PDE10A: variants seen among roughly 807,000 people sequenced by gnomAD.
The protein encoded by PDE10A is cAMP and cAMP-inhibited cGMP 3',5'-cyclic phosphodiesterase 10A.
PDE10A carries 39 observed loss-of-function variants against 97.7 expected under a neutral mutation model. That is an observed-to-expected ratio of 0.40 (90% CI 0.31 to 0.52). The LOEUF (loss-of-function observed/expected upper bound fraction) is 0.52, where lower values mean the gene tolerates loss of function less well. PDE10A is among the 20% of genes least tolerant of loss of function. The pLI, the probability that PDE10A is intolerant of heterozygous loss-of-function variation, is 0.56. For synonymous variants in PDE10A, 371 were observed against 376.8 expected (o/e 0.98, Z 0.18); for missense variants, 731 against 1,047.8 (o/e 0.70, Z 4.17).
chr6:165,484,342 G>A (rs1583380387), intron 2 of PDE10A, among the ~76,000 whole-genome samples: 2 of 152,360 alleles, frequency 1.3e-5, no homozygotes, highest in South Asian at 4.1e-4. Context: ...CACAGCAGGA[G>A]GTGAGCGGCG....
At chr6:165,771,391 C>A (rs1778005121) in intron 1 of PDE10A, among the ~76,000 whole-genome samples, 1 of 152,022 alleles carries the variant, frequency 6.6e-6, no homozygotes, top group Admixed American at 6.5e-5. Flanking sequence ...CTCCTGCTCA[C>A]ATGAGCCCTA....
chr6:165,980,741 T>C (rs1174953960), intron 1 of PDE10A, among the ~76,000 whole-genome samples: 1 of 152,178 alleles, frequency 6.6e-6, no homozygotes, highest in African/African-American at 2.4e-5. Context: ...TGACTATTGT[T>C]GCCATGTGTG....
intron 1 of PDE10A, among the ~76,000 whole-genome samples, chr6:165,842,920 A>G (rs998558470): frequency 1.3e-5 from 2 of 152,218 alleles, no homozygotes; most frequent in Non-Finnish European, 2.9e-5. Context: ...CACTTCCTCA[A>G]TAAAACTGGA....
At chr6:165,334,011 T>C (rs1426431445) in intron 21 of PDE10A, among the ~76,000 whole-genome samples, 2 of 152,252 alleles carry the variant, frequency 1.3e-5, no homozygotes, top group Non-Finnish European at 2.9e-5. Flanking sequence ...AGTGTAGCCC[T>C]TTTAACTTTT....
intron 21 of PDE10A, among the ~76,000 whole-genome samples, chr6:165,334,329 G>A (rs547755822): frequency 1.6e-4 from 24 of 146,734 alleles, no homozygotes; most frequent in East Asian, 6.1e-4. Context: ...CCGGGCACGC[G>A]CCTCCATAGC....
intron 1 of PDE10A, among the ~76,000 whole-genome samples, chr6:165,956,855 A>G (rs1430635433): frequency 6.6e-6 from 1 of 152,174 alleles, no homozygotes. Flanking sequence ...ATGATGGTAT[A>G]TTTCCAAATC....
chr6:165,753,943 G>A (rs137978544), intron 1 of PDE10A, among the ~76,000 whole-genome samples: 8 of 152,170 alleles, frequency 5.3e-5, no homozygotes, highest in Non-Finnish European at 8.8e-5. Context: ...TTTAATTGGC[G>A]GTCCCTTTGC....
At chr6:165,420,629 T>C (rs1788626529) in intron 10 of PDE10A, among the ~76,000 whole-genome samples, 1 of 152,236 alleles carries the variant, frequency 6.6e-6, no homozygotes, top group Admixed American at 6.5e-5. Flanking sequence ...TATTTTGGCA[T>C]AAATATGTTA....
Position 165,608,417 on chromosome 6 carries a change from A to G in PDE10A, c.865+53530T>C, listed in dbSNP as rs140111793. On this transcript the variant is annotated intron_variant, in intron 1 of 21. Coordinates refer to ENST00000539869, the MANE Select transcript of PDE10A (RefSeq NM_001385079.1). ...AGAATGATGGTTTCCAGCTTCATCTATGTCCCTACAAAGGACATGAACTCA... is the reference window on the plus strand; with the variant it reads ...AGAATGATGGTTTCCAGCTTCATCTGTGTCCCTACAAAGGACATGAACTCA... Among the ~76,000 whole-genome samples the G allele has an allele frequency of 1.3e-3, 195 of 152,046 alleles. 1 individual carries two copies. The Middle Eastern group carries it at 0.014, about 11-fold the overall frequency.
chr6:165,822,185 C>A lies in PDE10A; in HGVS notation c.-615+165344G>T, dbSNP rs551491716. On this transcript the variant is annotated intron_variant, in intron 1 of 19. Coordinates refer to the PDE10A transcript ENST00000366882. ...ATCCTTGTGCGAACATAACAGAGTG[C>A]ATTTACACACACCTGGATGGCACAG... Among the ~76,000 whole-genome samples the A allele has an allele frequency of 8.5e-5, 13 of 152,310 alleles. No homozygotes were observed. The South Asian group carries it at 2.7e-3, about 32-fold the overall frequency.
At chr6:165,414,218 T>G (rs2128228062) in intron 12 of PDE10A, among the ~76,000 whole-genome samples, 1 of 152,330 alleles carries the variant, frequency 6.6e-6, no homozygotes, top group Non-Finnish European at 1.5e-5. Context: ...TTCATTCACA[T>G]ATTGTCTGAT....
intron 1 of PDE10A, among the ~76,000 whole-genome samples, chr6:165,632,546 T>A (rs1442346528): frequency 6.6e-6 from 1 of 152,186 alleles, no homozygotes; most frequent in African/African-American, 2.4e-5. Flanking sequence ...AGAGCTATGC[T>A]CTGAATCCTA....
intron 1 of PDE10A, among the ~76,000 whole-genome samples, chr6:165,806,694 G>C (rs1038972226): frequency 2.0e-5 from 3 of 151,804 alleles, no homozygotes; most frequent in African/African-American, 7.3e-5. Flanking sequence ...GTCCCCTTCA[G>C]TGCAGCCAAT....
chr6:165,590,370 C>T (rs1786177801), intron 1 of PDE10A, among the ~76,000 whole-genome samples: 1 of 152,162 alleles, frequency 6.6e-6, no homozygotes, highest in South Asian at 2.1e-4. Flanking sequence ...CAATTAAAAC[C>T]CAGGCGTCTG....
chr6:165,550,132 G>A (rs1032922777), intron 1 of PDE10A, among the ~76,000 whole-genome samples: 2 of 151,938 alleles, frequency 1.3e-5, no homozygotes, highest in African/African-American at 4.8e-5. Context: ...CCTAAAACAC[G>A]TCTTCCTGAC....
rs527279673 is a variant in PDE10A, at chr6:165,333,002, C to T, written c.*23G>A. ...GCAAGATGAGGATCTGTAGGTGGGACAGCGTGTCAGGGTGACCAGTGCTCA... is the reference window on the plus strand; with the variant it reads ...GCAAGATGAGGATCTGTAGGTGGGATAGCGTGTCAGGGTGACCAGTGCTCA... On this transcript the variant is annotated 3_prime_UTR_variant, in exon 22 of 22. Transcript: ENST00000539869. 5 of 1,351,546 alleles carry T rather than the reference C, an allele frequency of 3.7e-6. No individual in the cohort carries two copies. The African/African-American group carries it at 5.9e-5, about 16-fold the overall frequency. The allele number at this position is 1,351,546 out of a possible 1,614,324, so 83.7% of individuals were successfully genotyped here.
At position 165,971,018 on chromosome 6, in the gene PDE10A, T is replaced by C. The variant is rs566049107; in HGVS notation, c.-615+16511A>G. The stretch of plus-strand genomic sequence containing the variant: ...CAAAAATTAGCTGGGTGTGGTGGCC[T>C]GCACCTGTAATCCCAATTACTCGGA... On this transcript the variant is annotated intron_variant, in intron 1 of 19. Transcript: ENST00000366882. Among the ~76,000 whole-genome samples, 183 of 152,158 alleles carry C rather than the reference T, an allele frequency of 1.2e-3. 1 individual carries two copies. Among genetic ancestry groups the C allele is most frequent in the Non-Finnish European group, 1.6e-3 (106 of 68,006 alleles).
chr6:165,502,172 T>G (rs760964355), intron 2 of PDE10A, among the ~76,000 whole-genome samples: 14 of 152,176 alleles, frequency 9.2e-5, no homozygotes, highest in Non-Finnish European at 1.5e-4. Context: ...CTGTAAAATG[T>G]GTATAAGAAA....
intron 18 of PDE10A, among the ~76,000 whole-genome samples, chr6:165,359,765 T>A (rs2128191798): frequency 6.6e-6 from 1 of 152,278 alleles, no homozygotes; most frequent in African/African-American, 2.4e-5. Context: ...AATACTTCAA[T>A]TTTGGTGGGC....
Sources: allele counts gnomAD v4.1 joint callset (sites outside exome capture counted in the v4.1 genomes callset), GRCh38; gene constraint gnomAD v4.1.1; transcripts MANE v1.5; gene names NCBI Gene and HGNC (gene_info 2026-07-23, HGNC 2026-07-21).